The following ADGRG4 variants were observed in gnomAD, a reference collection of about 807,000 sequenced individuals.
ADGRG4 encodes the protein G protein-coupled receptor 112.
In ADGRG4, 122 loss-of-function variants were observed where a neutral mutation model predicts 126.2. The ratio of observed to expected loss-of-function variants is 0.97; its 90% CI spans 0.83 to 1.12. ADGRG4 has a LOEUF of 1.12. Ranked by LOEUF, ADGRG4 falls within the 50% of genes most tolerant of loss-of-function variation. The pLI, the probability that ADGRG4 is intolerant of heterozygous loss-of-function variation, is 0.00. For missense variants in ADGRG4, 2,481 were observed against 2,251.8 expected, an observed-to-expected ratio of 1.10 and a Z score of -2.06; for synonymous variants, 943 against 838.7, an observed-to-expected ratio of 1.12 and a Z score of -2.15.
At chrX:136,333,444 T>G (rs889731558) in intron 5 of ADGRG4, among the ~76,000 whole-genome samples, 15 of 111,155 alleles carry the variant, frequency 1.3e-4, no homozygotes, top group South Asian at 1.1e-3. Context: ...AATTTTTTGT[T>G]GGGTATATCT....
intron 5 of ADGRG4, 80 bp downstream of exon 5, chrX:136,323,472 CT>C (rs2074853144): frequency 2.2e-6 from 2 of 893,970 alleles, no homozygotes. Context: ...CCCCAGGTTG[CT>C]AGTTTTGTCA....
chrX:136,378,627 G>GT (rs1036451397), intron 15 of ADGRG4, among the ~76,000 whole-genome samples: 12 of 110,544 alleles, frequency 1.1e-4, no homozygotes, highest in African/African-American at 3.3e-4. Flanking sequence ...TTTTTGTTTT[G>GT]TTTTTTTAAA....
Position 136,414,200 on chromosome X carries a change from G to T in ADGRG4, c.9078G>T (p.Gln3026His). ...GTCAGATAAAGGTTGGATATAAACA[G>T]GAGGGACTAAAGAAAATCTTTGAGC... ...SRCQIKVGYK[Q>H]EGLKKIFEHK... Residue 3026 changes from glutamine to histidine, a missense_variant, in exon 25 of 26, where the codon CAG becomes CAT. Coordinates refer to ENST00000394143, the MANE Select transcript of ADGRG4 (RefSeq NM_153834.4). 1 of 1,206,679 alleles carries T rather than the reference G, an allele frequency of 8.3e-7. No homozygotes were observed. Among genetic ancestry groups the T allele is most frequent in the Non-Finnish European group, 1.1e-6 (1 of 891,701 alleles).
intron 20 of ADGRG4, 51 bp from the exon 21 acceptor site, chrX:136,399,797 T>TA (rs376015717): frequency 0.14 from 95,772 of 691,723 alleles, 2 homozygotes; most frequent in Non-Finnish European, 0.15. Flanking sequence ...GATGTTTAAT[T>TA]AAAAAAAAAA....
Position 136,371,528 on chromosome X carries a change from C to A in ADGRG4, c.7597C>A (p.His2533Asn), listed in dbSNP as rs373053622. 3 of 1,164,840 alleles carry A rather than the reference C, an allele frequency of 2.6e-6. No homozygotes were observed. In the African/African-American group the frequency reaches 5.4e-5, roughly 21 times the overall value. ...EKQNNSASDL[H>N]EISNEILRII... The stretch of plus-strand genomic sequence containing the variant: ...GCAAAACAATTCCGCCTCTGATCTG[C>A]ATGAAATAAGCAATGAGTAAGTACT... The change falls in exon 14 of 26, where the codon CAT becomes AAT. Residue 2533 changes from histidine to asparagine, a missense_variant. Physicochemically the swap from His to Asn is moderately conservative, Grantham distance 68. Coordinates refer to ENST00000394143, the MANE Select transcript of ADGRG4 (RefSeq NM_153834.4).
At chrX:136,372,861 TA>T (rs2075202856) in intron 14 of ADGRG4, 40 bp from the exon 15 acceptor site, 1 of 1,194,549 alleles carries the variant, frequency 8.4e-7, no homozygotes, top group Middle Eastern at 2.3e-4. Flanking sequence ...GTTTTACTTT[TA>T]AAAGGTAGGA....
rs780752402 is a variant in ADGRG4 at position 136,350,372 on chromosome X, C to T, written c.6666C>T (p.Asp2222=). 1.2e-5 allele frequency: 14 copies of T among 1,210,706 alleles called. No homozygotes were observed. In the Admixed American group the frequency reaches 2.6e-4, roughly 23 times the overall value. Reference sequence around the variant, plus strand: ...CCTTTTTTGAAACAACTTGGCTGGACTCCACACCTTCCTTTCTATCTACGG... The same window carrying T: ...CCTTTTTTGAAACAACTTGGCTGGATTCCACACCTTCCTTTCTATCTACGG... ...ISSFFETTWL[D]STPSFLSTEA... Residue 2222 remains aspartate, a synonymous_variant, in exon 6 of 26, where the codon GAC becomes GAT. Coordinates refer to ENST00000394143, the MANE Select transcript of ADGRG4 (RefSeq NM_153834.4).
In ADGRG4 at chrX:136,395,495, T is replaced by A; in HGVS notation, c.8184+2T>A. 9.3e-7 allele frequency: 1 copy of A among 1,078,135 alleles called. No individual in the cohort carries two copies. The highest frequency in any genetic ancestry group is 1.3e-6 in the Non-Finnish European group (1 of 777,226). 88.9% of individuals were successfully genotyped at this position (1,078,135 alleles called of 1,213,427 possible). On this transcript the variant is annotated splice_donor_variant, in intron 19 of 25. Transcript: ENST00000394143. LOFTEE classifies it high-confidence loss of function. ...CTCACCCATTTTGGAGTCTTAATGG[T>A]GAGTTGTCTCTTAGTCACTCCTCGA...
In ADGRG4 at chrX:136,346,152, GCAATTGTATTTGGAGGTA is replaced by G. The variant is rs1358559671; in HGVS notation, c.2450_2467del (p.Ile817_Thr822del). On this transcript the variant is annotated inframe_deletion, in exon 6 of 26. Transcript: ENST00000394143. ...GACCACACAAACAGAAATAAATGGT[GCAATTGTATTTGGAGGTA>G]CAACGACCCCTGTACCAAAGTCAGC... The G allele has an allele frequency of 2.5e-6, 3 of 1,208,327 alleles. No individual in the cohort carries two copies. Among genetic ancestry groups the G allele is most frequent in the Non-Finnish European group, 3.4e-6 (3 of 893,510 alleles).
intron 17 of ADGRG4, among the ~76,000 whole-genome samples, chrX:136,393,246 C>T (rs1291293820): frequency 1.8e-5 from 2 of 111,769 alleles, no homozygotes; most frequent in Non-Finnish European, 1.9e-5. Flanking sequence ...AGCCTTGTAC[C>T]AGAAGGGCAT....
intron 20 of ADGRG4, 122 bp from the exon 21 acceptor site, chrX:136,399,726 A>C (rs1262337676): frequency 1.7e-6 from 1 of 598,873 alleles, no homozygotes; most frequent in African/African-American, 2.3e-5. Flanking sequence ...GGGACTTCAA[A>C]GTATAAGCAA....
intron 16 of ADGRG4, among the ~76,000 whole-genome samples, chrX:136,391,600 A>G (rs2075319597): frequency 8.9e-6 from 1 of 112,481 alleles, no homozygotes; most frequent in African/African-American, 3.2e-5. Flanking sequence ...CATGTGCATG[A>G]AAAGCACATA....
At chrX:136,398,244 C>A (rs2075361394) in intron 20 of ADGRG4, among the ~76,000 whole-genome samples, 1 of 111,823 alleles carries the variant, frequency 8.9e-6, no homozygotes, top group African/African-American at 3.2e-5. Context: ...AGAGCACCAA[C>A]CCTAAAAGAA....
chrX:136,344,284 A>G, intron 5 of ADGRG4, 108 bp from the exon 6 acceptor site: 1 of 510,303 alleles, frequency 2.0e-6, no homozygotes, highest in Non-Finnish European at 3.2e-6. Flanking sequence ...ATTTGATTAT[A>G]TCTATGATAC....
chrX:136,308,811 G>T lies in ADGRG4; in HGVS notation c.34G>T (p.Gly12Ter). Residue 12 changes from glycine (G) to a stop codon, truncating the protein, a stop_gained, in exon 4 of 26, where the codon GGA becomes TGA. Coordinates refer to ENST00000394143, the MANE Select transcript of ADGRG4 (RefSeq NM_153834.4). LOFTEE classifies it high-confidence loss of function. The stretch of plus-strand genomic sequence containing the variant: ...ACACATCATATATCAGAAGCTTTAT[G>T]GATTGATTCTCATGTCGAGTTTTAT... ...KEHIIYQKLYGLILMSSFIFL... is the reference protein window; with the variant it reads ...KEHIIYQKLY 8.5e-7 allele frequency: 1 copy of T among 1,176,219 alleles called. No homozygotes were observed. The highest frequency in any genetic ancestry group is 1.2e-6 in the Non-Finnish European group (1 of 864,546).
intron 15 of ADGRG4, among the ~76,000 whole-genome samples, chrX:136,380,779 G>A (rs1022035161): frequency 3.7e-5 from 4 of 107,386 alleles, no homozygotes; most frequent in Non-Finnish European, 3.8e-5. Flanking sequence ...TGGTGTGACC[G>A]TAGCTCACAG....
At position 136,345,998 on chromosome X, in the gene ADGRG4, A is replaced by T. The variant is rs1329755241; in HGVS notation, c.2292A>T (p.Ile764=). The change falls in exon 6 of 26, where the codon ATA becomes ATT. Residue 764 remains isoleucine (I), a synonymous_variant. Coordinates refer to ENST00000394143, the MANE Select transcript of ADGRG4 (RefSeq NM_153834.4). ...TTACCACTTTACTACTAAAAACAAT[A>T]CCTATGTCTACAAAACCTGCAAATG... ...FKLTTLLLKT[I]PMSTKPANEL... 2.5e-6 allele frequency: 3 copies of T among 1,206,855 alleles called. No individual in the cohort carries two copies. The highest frequency in any genetic ancestry group is 3.4e-6 in the Non-Finnish European group (3 of 892,190).
At chrX:136,376,923 T>G (rs949250957) in intron 15 of ADGRG4, among the ~76,000 whole-genome samples, 1 of 110,375 alleles carries the variant, frequency 9.1e-6, no homozygotes, top group Non-Finnish European at 1.9e-5. Flanking sequence ...CTGTTTCCAA[T>G]TTGGATGCCC....
At chrX:136,354,204 G>A (rs754789544) in intron 8 of ADGRG4, among the ~76,000 whole-genome samples, 1 of 111,985 alleles carries the variant, frequency 8.9e-6, no homozygotes, top group Non-Finnish European at 1.9e-5. Flanking sequence ...GGAGGTAAAT[G>A]TACGGTAGGT....
Sources: allele counts gnomAD v4.1 joint callset (sites outside exome capture counted in the v4.1 genomes callset), GRCh38; gene constraint gnomAD v4.1.1; transcripts MANE v1.5; gene names NCBI Gene and HGNC (gene_info 2026-07-23, HGNC 2026-07-21).